C8orf34: variants seen among roughly 807,000 people sequenced by gnomAD.
C8orf34 encodes chromosome 8 open reading frame 34, also known as uncharacterized protein C8orf34.
A neutral mutation model predicts 68.3 loss-of-function variants in C8orf34; 65 were observed. The observed-to-expected ratio is 0.95, with a 90% CI of 0.78 to 1.17. C8orf34 has a LOEUF of 1.17. C8orf34 is among the 50% of genes most tolerant of loss of function. The probability of loss-of-function intolerance (pLI) is 0.00; values close to 1 mark genes in which losing one functional copy is unlikely to be tolerated. For synonymous variants in C8orf34, 244 were observed against 241.2 expected, an observed-to-expected ratio of 1.01 and a Z score of -0.11; for missense variants, 664 against 655.4, an observed-to-expected ratio of 1.01 and a Z score of -0.14.
rs138272576 is a variant in C8orf34 at position 68,601,351 on chromosome 8, A to G, written c.1106-39025A>G. On this transcript the variant is annotated intron_variant, in intron 7 of 13. Transcript: ENST00000518698. ...CCATTCTCTTTTTTTCTGAGACTCCAACGGTACACATGTTAACTTTTTTGT... is the reference window on the plus strand; with the variant it reads ...CCATTCTCTTTTTTTCTGAGACTCCGACGGTACACATGTTAACTTTTTTGT... Among the ~76,000 whole-genome samples, 555 of 152,192 alleles carry G rather than the reference A, an allele frequency of 3.6e-3. 7 individuals carry two copies. Among genetic ancestry groups the G allele is most frequent in the African/African-American group, 0.013 (532 of 41,560 alleles).
intron 7 of C8orf34, among the ~76,000 whole-genome samples, chr8:68,596,769 C>T (rs1485860025): frequency 1.3e-5 from 2 of 152,256 alleles, no homozygotes; most frequent in African/African-American, 2.4e-5. Context: ...TCCAAACAAT[C>T]CTGCCTTCTG....
At chr8:68,636,051 T>G (rs998570217) in intron 7 of C8orf34, among the ~76,000 whole-genome samples, 1 of 152,194 alleles carries the variant, frequency 6.6e-6, no homozygotes, top group Admixed American at 6.5e-5. Context: ...ATAATAATTT[T>G]TAAAGGGAAG....
chr8:68,613,613 A>G (rs1439039353), intron 7 of C8orf34, among the ~76,000 whole-genome samples: 14 of 151,932 alleles, frequency 9.2e-5, no homozygotes. Context: ...TACAAAGGAC[A>G]TGAACTCATC....
At chr8:68,769,875 C>A (rs1352805990) in intron 10 of C8orf34, among the ~76,000 whole-genome samples, 1 of 152,128 alleles carries the variant, frequency 6.6e-6, no homozygotes, top group Non-Finnish European at 1.5e-5. Context: ...AGAAAGTAAC[C>A]AGTGAGCGCG....
At chr8:68,675,524 T>C (rs1820157676) in intron 8 of C8orf34, among the ~76,000 whole-genome samples, 1 of 151,568 alleles carries the variant, frequency 6.6e-6, no homozygotes, top group African/African-American at 2.4e-5. Flanking sequence ...AAGTTTAAAA[T>C]AATGGTTCTA....
intron 3 of C8orf34, among the ~76,000 whole-genome samples, chr8:68,459,224 ATTTTCTTT>A: frequency 6.6e-6 from 1 of 151,978 alleles, no homozygotes; most frequent in African/African-American, 2.4e-5. Flanking sequence ...GAACTCTTTC[ATTTTCTTT>A]TTTTCTTTTT....
chr8:68,415,594 T>A (rs1295727157), intron 1 of C8orf34, among the ~76,000 whole-genome samples: 1 of 151,862 alleles, frequency 6.6e-6, no homozygotes, highest in African/African-American at 2.4e-5. Context: ...GTGTGTAGAT[T>A]AGTTATTTAA....
At chr8:68,527,111 T>C (rs774757896) in intron 6 of C8orf34, among the ~76,000 whole-genome samples, 17 of 152,164 alleles carry the variant, frequency 1.1e-4, no homozygotes, top group Non-Finnish European at 2.4e-4. Context: ...TCAGGCCTCT[T>C]TTTGTACACT....
At chr8:68,785,248 A>G (rs1191220144) in intron 11 of C8orf34, among the ~76,000 whole-genome samples, 1 of 152,046 alleles carries the variant, frequency 6.6e-6, no homozygotes, top group Non-Finnish European at 1.5e-5. Flanking sequence ...ACATATCAAC[A>G]TTTCTGTGTG....
chr8:68,594,122 T>C (rs1009299907), intron 7 of C8orf34, among the ~76,000 whole-genome samples: 1 of 152,084 alleles, frequency 6.6e-6, no homozygotes, highest in Non-Finnish European at 1.5e-5. Flanking sequence ...TCTTGGGATA[T>C]TTTTTAGAAT....
At chr8:68,591,400 G>GTAAC (rs1817384640) in intron 7 of C8orf34, among the ~76,000 whole-genome samples, 1 of 152,098 alleles carries the variant, frequency 6.6e-6, no homozygotes, top group South Asian at 2.1e-4. Flanking sequence ...TGCTTTAAAG[G>GTAAC]TAACTGAGCC....
chr8:68,745,730 T>C (rs1822467428), intron 10 of C8orf34, among the ~76,000 whole-genome samples: 2 of 152,080 alleles, frequency 1.3e-5, no homozygotes, highest in South Asian at 4.1e-4. Context: ...CCCAGATTCA[T>C]AAAGCAAGTT....
intron 11 of C8orf34, among the ~76,000 whole-genome samples, chr8:68,784,987 A>T (rs1343696167): frequency 3.3e-5 from 5 of 152,086 alleles, no homozygotes; most frequent in Non-Finnish European, 5.9e-5. Flanking sequence ...AGGTGTGTTA[A>T]TTGCTACTGA....
Position 68,446,363 on chromosome 8 carries a change from T to A in C8orf34, c.510T>A (p.Tyr170Ter). 1 of 1,610,174 alleles carries A rather than the reference T, an allele frequency of 6.2e-7. No homozygotes were observed. Among genetic ancestry groups the A allele is most frequent in the South Asian group, 1.1e-5 (1 of 89,876 alleles). ...SKGTRRDFRSYDKPWQLNAKK... is the reference protein window; with the variant it reads ...SKGTRRDFRS ...GAACAAGAAGGGATTTCAGAAGCTA[T>A]GATAAACCTTGGCAATTAAATGCAA... The change falls in exon 3 of 14, where the codon TAT becomes TAA. Residue 170 changes from tyrosine (Y) to a stop codon, truncating the protein, a stop_gained. Coordinates refer to ENST00000518698, the MANE Select transcript of C8orf34 (RefSeq NM_052958.4). LOFTEE classifies it high-confidence loss of function.
chr8:68,424,307 C>T (rs1810112576), intron 1 of C8orf34, among the ~76,000 whole-genome samples: 1 of 152,144 alleles, frequency 6.6e-6, no homozygotes, highest in African/African-American at 2.4e-5. Context: ...AGGCCAGAAC[C>T]TACATGCTCA....
chr8:68,615,054 G>A (rs1014082259), intron 7 of C8orf34, among the ~76,000 whole-genome samples: 2 of 149,380 alleles, frequency 1.3e-5, no homozygotes, highest in Admixed American at 6.6e-5. Context: ...TGAAGCAATT[G>A]TGAATGGGAG....
chr8:68,720,664 A>T (rs1363158702), intron 9 of C8orf34, among the ~76,000 whole-genome samples: 5 of 151,804 alleles, frequency 3.3e-5, no homozygotes, highest in South Asian at 2.1e-4. Flanking sequence ...TTCAGCACAG[A>T]TTATTTCTAG....
intron 1 of C8orf34, among the ~76,000 whole-genome samples, chr8:68,429,751 G>C (rs1810376103): frequency 6.6e-6 from 1 of 152,198 alleles, no homozygotes; most frequent in East Asian, 1.9e-4. Context: ...GGAGTAATGA[G>C]TAAATCTCAC....
rs375815398 is a variant in C8orf34 at position 68,818,256 on chromosome 8, A to T, written c.*10A>T. On this transcript the variant is annotated 3_prime_UTR_variant, in exon 14 of 14. Coordinates refer to ENST00000518698, the MANE Select transcript of C8orf34 (RefSeq NM_052958.4). ...CTCTGCAGGTTTGTGAAACAGAGAG[A>T]AGAAGTTGCAAGTGGTCCTTAAAGA... 15 of 1,612,016 alleles carry T rather than the reference A, an allele frequency of 9.3e-6. No individual in the cohort carries two copies. The highest frequency in any genetic ancestry group is 3.3e-5 in the Admixed American group (2 of 59,900).
Sources: gnomAD v4.1 joint callset for allele counts (sites outside exome capture counted in the v4.1 genomes callset) on GRCh38, gnomAD v4.1.1 for gene constraint, MANE v1.5 for transcripts, NCBI Gene and HGNC (gene_info 2026-07-23, HGNC 2026-07-21) for gene names.